Variants in DTNB observed in about 807,000 individuals in gnomAD.
The protein encoded by DTNB is dystrobrevin beta, also known as DTN-B.
DTNB carries 63 observed loss-of-function variants against 90.7 expected under a neutral mutation model. The ratio of observed to expected loss-of-function variants is 0.69; its 90% CI spans 0.57 to 0.86. The LOEUF (loss-of-function observed/expected upper bound fraction) is 0.86. Among genes scored for constraint, DTNB ranks in the 40% least tolerant of loss-of-function variants. The probability of loss-of-function intolerance (pLI) is 0.00; values close to 1 mark genes in which losing one functional copy is unlikely to be tolerated. For synonymous variants in DTNB, 277 were observed against 286.7 expected, an observed-to-expected ratio of 0.97 and a Z score of 0.34; for missense variants, 744 against 807.1, an observed-to-expected ratio of 0.92 and a Z score of 0.95.
At chr2:25,458,260 C>T (rs924050254) in intron 10 of DTNB, among the ~76,000 whole-genome samples, 13 of 152,050 alleles carry the variant, frequency 8.5e-5, no homozygotes, top group South Asian at 6.2e-4. Context: ...GAAATAACTA[C>T]AAAAACAGTT....
intron 15 of DTNB, among the ~76,000 whole-genome samples, chr2:25,420,504 ATCTATCTATCTATCTATCTGTCTG>A (rs1231431315): frequency 0.094 from 13,685 of 146,242 alleles, 776 homozygotes; most frequent in South Asian, 0.13. Flanking sequence ...CTATCTATCT[ATCTATCTATCTATCTATCTGTCTG>A]TCTATCGACA....
At chr2:25,392,855 A>G (rs1239278795) in intron 16 of DTNB, among the ~76,000 whole-genome samples, 3 of 152,192 alleles carry the variant, frequency 2.0e-5, no homozygotes, top group Non-Finnish European at 2.9e-5. Context: ...ACACTATTGC[A>G]AAAGATAGAA....
At chr2:25,534,322 T>C (rs2150945513) in intron 8 of DTNB, among the ~76,000 whole-genome samples, 1 of 152,284 alleles carries the variant, frequency 6.6e-6, no homozygotes, top group African/African-American at 2.4e-5. Context: ...GGGTTGGGGG[T>C]AAGGTTATAG....
intron 4 of DTNB, among the ~76,000 whole-genome samples, chr2:25,625,668 C>T (rs13397662): frequency 0.012 from 1,772 of 149,446 alleles, 44 homozygotes; most frequent in African/African-American, 0.041. Flanking sequence ...CTAGCTTTCT[C>T]GGAATATGGC....
At chr2:25,596,902 T>C (rs7578619) in intron 5 of DTNB, among the ~76,000 whole-genome samples, 11,864 of 152,216 alleles carry the variant, frequency 0.078, 1,484 homozygotes, top group African/African-American at 0.27. Flanking sequence ...TCCAGTAATA[T>C]TACTCCAACT....
In DTNB at chr2:25,405,506, C is replaced by T. The variant is rs186564147; in HGVS notation, c.1575+14009G>A. 3.8e-3 allele frequency among the ~76,000 whole-genome samples: 586 copies of T among 152,244 alleles called. 4 individuals carry two copies. The highest frequency in any genetic ancestry group is 0.013 in the African/African-American group (559 of 41,556). On this transcript the variant is annotated intron_variant, in intron 16 of 20. Coordinates refer to ENST00000406818, the MANE Select transcript of DTNB (RefSeq NM_021907.5). ...AGAGAGCCAAGATTGTGCCACTGCA[C>T]TCCACCCTGGGTGACAGAACAAGAC...
intron 16 of DTNB, among the ~76,000 whole-genome samples, chr2:25,402,402 G>A (rs917885038): frequency 5.9e-5 from 9 of 152,178 alleles, no homozygotes; most frequent in Admixed American, 6.5e-5. Context: ...CTTAGCAGAG[G>A]CGCCCACCTG....
intron 1 of DTNB, among the ~76,000 whole-genome samples, chr2:25,657,173 C>T (rs559811975): frequency 2.8e-4 from 42 of 152,018 alleles, no homozygotes; most frequent in Non-Finnish European, 4.9e-4. Flanking sequence ...GAGACTCCGT[C>T]TCAAAAATAA....
At chr2:25,592,060 CAAAAAAAAAAAA>C (rs1162292627) in intron 6 of DTNB, among the ~76,000 whole-genome samples, 1 of 48,996 alleles carries the variant, frequency 2.0e-5, no homozygotes, top group South Asian at 7.7e-4. Flanking sequence ...GACTCCATCT[CAAAAAAAAAAAA>C]AAAAAAAAAA....
chr2:25,658,333 T>G (rs1218754844), intron 1 of DTNB, among the ~76,000 whole-genome samples: 3 of 151,720 alleles, frequency 2.0e-5, no homozygotes, highest in Non-Finnish European at 4.4e-5. Context: ...CTGATGGGAA[T>G]GCACAAGCAG....
At chr2:25,607,367 A>G in intron 4 of DTNB, 46 bp from the exon 5 acceptor site, 1 of 1,538,716 alleles carries the variant, frequency 6.5e-7, no homozygotes, top group South Asian at 1.2e-5. Context: ...TGAAACCACA[A>G]AAGGACTCGA....
chr2:25,625,748 C>G (rs556335099), intron 4 of DTNB, among the ~76,000 whole-genome samples: 1 of 152,154 alleles, frequency 6.6e-6, no homozygotes, highest in East Asian at 1.9e-4. Context: ...TCTCTGCCCT[C>G]TTCCTTCCTC....
Position 25,547,096 on chromosome 2 carries a change from G to A in DTNB, c.877-15499C>T, listed in dbSNP as rs966080047. ...ACTTCTGGCCTCAAGTGATCCTCCC[G>A]CCTTGACCTGCCAGAGTGCTGGGAT... is the stretch of plus-strand genomic sequence containing the variant. On this transcript the variant is annotated intron_variant, in intron 8 of 20. Transcript: ENST00000406818. 2.1e-4 allele frequency among the ~76,000 whole-genome samples: 32 copies of A among 152,038 alleles called. 1 individual carries two copies. Among genetic ancestry groups the A allele is most frequent in the Middle Eastern group, 6.8e-3 (2 of 294 alleles).
intron 4 of DTNB, among the ~76,000 whole-genome samples, chr2:25,627,754 T>A (rs1171629046): frequency 1.3e-5 from 2 of 150,274 alleles, no homozygotes; most frequent in African/African-American, 2.5e-5. Context: ...TTTTTTTTTT[T>A]AAGACAATGT....
In DTNB at chr2:25,639,015, G is replaced by C; in HGVS notation, c.147C>G (p.Asn49Lys). The C allele has an allele frequency of 6.3e-7, 1 of 1,582,094 alleles. No individual in the cohort carries two copies. Among genetic ancestry groups the C allele is most frequent in the Non-Finnish European group, 8.6e-7 (1 of 1,160,122 alleles). The change falls in exon 3 of 21, where the codon AAC (asparagine) becomes AAG (lysine). Residue 49 changes from asparagine (N) to lysine (K), a missense_variant and splice_region_variant. Transcript: ENST00000406818. ...CAGAAATGAGTAGAAATGACTCACG[G>C]TTGCATCGTTTTTGTACAAATCGTA... ...CKLRFVQKRC[N>K]LHLVDIWNMI...
intron 10 of DTNB, among the ~76,000 whole-genome samples, chr2:25,467,033 A>G (rs1001620047): frequency 9.9e-5 from 15 of 152,174 alleles, no homozygotes; most frequent in African/African-American, 2.9e-4. Context: ...TAGTCCTTCT[A>G]CCAGTTACTA....
At chr2:25,527,788 G>C (rs575462755) in intron 9 of DTNB, among the ~76,000 whole-genome samples, 1 of 152,196 alleles carries the variant, frequency 6.6e-6, no homozygotes, top group African/African-American at 2.4e-5. Context: ...GAAATCTTCA[G>C]GCTTAGATGG....
At chr2:25,419,611 C>A in intron 15 of DTNB, 76 bp from the exon 16 acceptor site, 1 of 1,525,294 alleles carries the variant, frequency 6.6e-7, no homozygotes, top group Admixed American at 2.0e-5. Flanking sequence ...CCCATCACCA[C>A]AAACATTGGT....
intron 12 of DTNB, among the ~76,000 whole-genome samples, chr2:25,449,107 T>C (rs1317883061): frequency 6.6e-6 from 1 of 152,202 alleles, no homozygotes; most frequent in African/African-American, 2.4e-5. Context: ...GTACGTACTT[T>C]TTTTGTCTGG....
Sources: gnomAD v4.1 joint callset for allele counts (sites outside exome capture counted in the v4.1 genomes callset) on GRCh38, gnomAD v4.1.1 for gene constraint, MANE v1.5 for transcripts, NCBI Gene and HGNC (gene_info 2026-07-23, HGNC 2026-07-21) for gene names.